EIF1: variants seen among roughly 807,000 people sequenced by gnomAD.
EIF1 encodes the protein eukaryotic translation initiation factor 1.
Under a neutral mutation model 13.7 loss-of-function variants are expected in EIF1, and 4 were observed. That is an observed-to-expected ratio of 0.29 (90% confidence interval 0.14 to 0.67). EIF1 has a LOEUF of 0.67. Ranked by LOEUF, EIF1 falls within the 30% of genes least tolerant of loss-of-function variation. EIF1 has a pLI of 0.77. For missense variants in EIF1, 64 were observed against 138.0 expected (o/e 0.46, Z 2.69); for synonymous variants, 67 against 50.7 (o/e 1.32, Z -1.37).
chr17:41,690,342 G>C, intron 3 of EIF1, 153 bp downstream of exon 3: 1 of 614,148 alleles, frequency 1.6e-6, no homozygotes, highest in East Asian at 2.8e-5. Flanking sequence ...CTGTTTTATA[G>C]GAAAAAGCAG....
chr17:41,689,154 C>T, intron 1 of EIF1, 85 bp downstream of exon 1: 1 of 1,477,346 alleles, frequency 6.8e-7, no homozygotes, highest in Non-Finnish European at 9.4e-7. Context: ...TTGCCAAGCG[C>T]TCCGGGCCTT....
At position 41,689,059 on chromosome 17, in the gene EIF1, C is replaced by G; in HGVS notation, c.21C>G (p.Leu7=). MSAIQN[L]HSFDPFADAS... ...ATCGTATGTCCGCTATCCAGAACCT[C>G]CACTCTTTCGGTAAGCTATGGGAAA... The change falls in exon 1 of 4, where the codon CTC becomes CTG. Residue 7 remains leucine (L), a synonymous_variant. Coordinates refer to ENST00000469257, the MANE Select transcript of EIF1 (RefSeq NM_005801.4). 1 of 1,613,708 alleles carries G rather than the reference C, an allele frequency of 6.2e-7. No individual in the cohort carries two copies. Among genetic ancestry groups the G allele is most frequent in the South Asian group, 1.1e-5 (1 of 91,078 alleles).
intron 3 of EIF1, 55 bp from the exon 4 acceptor site, chr17:41,690,727 G>A (rs1910351011): frequency 1.3e-6 from 2 of 1,595,914 alleles, no homozygotes; most frequent in Non-Finnish European, 1.7e-6. Flanking sequence ...ATTAGAAATG[G>A]AGGCTTTAAC....
At chr17:41,689,965 G>A (rs1186658573) in intron 2 of EIF1, 24 bp downstream of exon 2, 11 of 1,609,942 alleles carry the variant, frequency 6.8e-6, no homozygotes, top group Non-Finnish European at 8.5e-6. Flanking sequence ...GAGATTTTGG[G>A]AAAGTCATAA....
Position 41,691,042 on chromosome 17 carries a change from C to A in EIF1, c.*216C>A, listed in dbSNP as rs3209306. Reference sequence around the variant, plus strand: ...GTCCCTCATTTAAACAGAGGTCAAGCAATAGGCGCCTGGCAGTGTCAAGCC... The same window carrying A: ...GTCCCTCATTTAAACAGAGGTCAAGAAATAGGCGCCTGGCAGTGTCAAGCC... On this transcript the variant is annotated 3_prime_UTR_variant, in exon 4 of 4. Coordinates refer to ENST00000469257, the MANE Select transcript of EIF1 (RefSeq NM_005801.4). 272 of 578,360 alleles carry A rather than the reference C, an allele frequency of 4.7e-4. No homozygotes were observed. In the East Asian group the frequency reaches 7.4e-3, roughly 16 times the overall value. The allele number at this position is 578,360 out of a possible 1,614,324, so 35.8% of individuals were successfully genotyped here.
chr17:41,689,728 G>A, intron 1 of EIF1, 50 bp from the exon 2 acceptor site: 1 of 1,524,874 alleles, frequency 6.6e-7, no homozygotes, highest in Middle Eastern at 2.3e-4. Flanking sequence ...GGGGATGGCA[G>A]TGGCATCCTA....
rs772713977 is a variant in EIF1 at position 41,690,068 on chromosome 17, G to GT, written c.196-16dup. On this transcript the variant is annotated intron_variant, in intron 2 of 3. Transcript: ENST00000469257. ...TTCATGCTCTTGCTAGGCCTAATTC[G>GT]TTTTCCTTTGTGCTTGCAGAAGTTT... is the stretch of plus-strand genomic sequence containing the variant. 10 of 1,613,452 alleles carry GT rather than the reference G, an allele frequency of 6.2e-6. No homozygotes were observed. The Admixed American group carries it at 1.7e-4, about 27-fold the overall frequency.
Position 41,692,352 on chromosome 17 carries a change from G to A in EIF1, c.*1526G>A, listed in dbSNP as rs974880857. ...GAAGGTTTAATGACAAGTATTTGAA[G>A]AGCTGAAGTTAAGTGTTGGGAGGCC... On this transcript the variant is annotated 3_prime_UTR_variant, in exon 4 of 4. Coordinates refer to ENST00000469257, the MANE Select transcript of EIF1 (RefSeq NM_005801.4). The A allele has an allele frequency of 2.0e-5, 3 of 152,184 alleles. No individual in the cohort carries two copies. The highest frequency in any genetic ancestry group is 2.9e-5 in the Non-Finnish European group (2 of 68,030). 9.4% of individuals were successfully genotyped at this position (152,184 alleles called of 1,614,324 possible).
In EIF1 at chr17:41,691,580, C is replaced by T. The variant is rs1224216427; in HGVS notation, c.*754C>T. 2.0e-5 allele frequency: 3 copies of T among 152,614 alleles called. No homozygotes were observed. Among genetic ancestry groups the T allele is most frequent in the Admixed American group, 6.5e-5 (1 of 15,282 alleles). 9.5% of individuals were successfully genotyped at this position (152,614 alleles called of 1,614,324 possible). A position where few individuals can be genotyped will look rare whatever the true frequency, so the allele number is the denominator to read the frequency against. On this transcript the variant is annotated 3_prime_UTR_variant, in exon 4 of 4. Coordinates refer to ENST00000469257, the MANE Select transcript of EIF1 (RefSeq NM_005801.4). ...AACTGGTTTTTGGTTTTTTTTTCCC[C>T]TTCAGTTTTAATGTTATGTGTAATG...
rs1910399084 is a variant in EIF1 at position 41,692,167 on chromosome 17, G to A, written c.*1341G>A. ...TAATCAGTGTCCTGGAGAATGGGTT[G>A]CTTGGAAATCTTGGCGCCCCCTCAG... On this transcript the variant is annotated 3_prime_UTR_variant, in exon 4 of 4. Transcript: ENST00000469257. 1.3e-5 allele frequency: 2 copies of A among 152,218 alleles called. No homozygotes were observed. Among genetic ancestry groups the A allele is most frequent in the African/African-American group, 4.8e-5 (2 of 41,442 alleles). 9.4% of individuals were successfully genotyped at this position (152,218 alleles called of 1,614,324 possible). A position where few individuals can be genotyped will look rare whatever the true frequency, so the allele number is the denominator to read the frequency against.
chr17:41,690,614 A>G (rs1207791546), intron 3 of EIF1, 168 bp from the exon 4 acceptor site: 1 of 638,904 alleles, frequency 1.6e-6, no homozygotes, highest in Non-Finnish European at 2.8e-6. Context: ...GAAGGCACTG[A>G]GTGTTCAAAA....
chr17:41,689,506 T>A (rs1164682370), intron 1 of EIF1: 5 of 463,340 alleles, frequency 1.1e-5, no homozygotes, highest in Non-Finnish European at 1.9e-5. Flanking sequence ...TTGCATCAGC[T>A]GGGTGGGGCA....
At position 41,689,027 on chromosome 17, in the gene EIF1, G is replaced by T. The variant is rs1394383213; in HGVS notation, c.-12G>T. ...GCAGGCCGTTTCCACCGAGGAAAAG[G>T]AATCGTATCGTATGTCCGCTATCCA... On this transcript the variant is annotated 5_prime_UTR_variant, in exon 1 of 4. Transcript: ENST00000469257. 1.2e-6 allele frequency: 2 copies of T among 1,613,348 alleles called. No individual in the cohort carries two copies. The highest frequency in any genetic ancestry group is 1.7e-6 in the Non-Finnish European group (2 of 1,179,890).
rs753608806 is a variant in EIF1, at chr17:41,690,172, T to C, written c.280T>C (p.Cys94Arg). 2.2e-5 allele frequency: 35 copies of C among 1,613,964 alleles called. No individual in the cohort carries two copies. The highest frequency in any genetic ancestry group is 1.6e-4 in the Middle Eastern group (1 of 6,074). The change falls in exon 3 of 4, where the codon TGC (cysteine) becomes CGC (arginine). Residue 94 changes from cysteine to arginine, a missense_variant. Cys to Arg is a radical substitution (Grantham distance 180). Around this residue, in one of 2 missense-constraint regions of EIF1, gnomAD observed 35 missense variants for 103.4 expected, o/e 0.34. Transcript: ENST00000469257. ...ACAGGGTGACCAACGCAAGAACATATGCCAGTTCCTCGTAGAGGTGAGTTC... is the reference window on the plus strand; with the variant it reads ...ACAGGGTGACCAACGCAAGAACATACGCCAGTTCCTCGTAGAGGTGAGTTC... ...QLQGDQRKNI[C>R]QFLVEIGLAK...
In EIF1 at chr17:41,688,956, G is replaced by GT. The variant is rs1267708529; in HGVS notation, c.-81dup. The stretch of plus-strand genomic sequence containing the variant: ...GAGCCCCCTCGCTTCCCGACGTTCC[G>GT]TTCCCCCCTGCCCGCCTTCTCCCGC... On this transcript the variant is annotated 5_prime_UTR_variant, in exon 1 of 4. Coordinates refer to ENST00000469257, the MANE Select transcript of EIF1 (RefSeq NM_005801.4). The GT allele has an allele frequency of 1.6e-5, 24 of 1,467,792 alleles. No individual in the cohort carries two copies. The East Asian group carries it at 1.8e-4, about 11-fold the overall frequency. The allele number at this position is 1,467,792 out of a possible 1,614,324, so 90.9% of individuals were successfully genotyped here.
chr17:41,689,573 G>A, intron 1 of EIF1: 1 of 518,642 alleles, frequency 1.9e-6, no homozygotes, highest in South Asian at 2.9e-5. Flanking sequence ...GAGGGCGGGA[G>A]GCCCGGGCGT....
chr17:41,690,368 C>T (rs2143087330), intron 3 of EIF1, 179 bp downstream of exon 3: 1 of 584,676 alleles, frequency 1.7e-6, no homozygotes, highest in African/African-American at 1.9e-5. Context: ...ACTTGTCTAC[C>T]TTTGGTTTAC....
At position 41,690,266 on chromosome 17, in the gene EIF1, C is replaced by T. The variant is rs776525622; in HGVS notation, c.297+77C>T. Reference sequence around the variant, plus strand: ...CCTGTCTGTTAGCTTCTGCTGGGGACATAAAAGTTGGCTTTGTAAGGCTGA... The same window carrying T: ...CCTGTCTGTTAGCTTCTGCTGGGGATATAAAAGTTGGCTTTGTAAGGCTGA... On this transcript the variant is annotated intron_variant, in intron 3 of 3. Coordinates refer to ENST00000469257, the MANE Select transcript of EIF1 (RefSeq NM_005801.4). The T allele has an allele frequency of 2.3e-4, 305 of 1,331,660 alleles. 2 individuals are homozygous for T. The highest frequency in any genetic ancestry group is 1.5e-3 in the Middle Eastern group (8 of 5,462). The allele number at this position is 1,331,660 out of a possible 1,614,324, so 82.5% of individuals were successfully genotyped here.
Position 41,692,380 on chromosome 17 carries a change from C to T in EIF1, c.*1554C>T, listed in dbSNP as rs1910409338. ...CTGAAGTTAAGTGTTGGGAGGCCAT[C>T]CCTTATGAAGGACAATGAATGGCAA... On this transcript the variant is annotated 3_prime_UTR_variant, in exon 4 of 4. Transcript: ENST00000469257. 2.0e-5 allele frequency: 3 copies of T among 152,168 alleles called. No homozygotes were observed. The highest frequency in any genetic ancestry group is 4.1e-4 in the South Asian group (2 of 4,828). The allele number at this position is 152,168 out of a possible 1,614,324, so 9.4% of individuals were successfully genotyped here. A position where few individuals can be genotyped will look rare whatever the true frequency, so the allele number is the denominator to read the frequency against.
Sources: gnomAD v4.1 joint callset for allele counts on GRCh38, gnomAD v4.1.1 for gene constraint, gnomAD v4.1.1 regional missense constraint, MANE v1.5 for transcripts, NCBI Gene and HGNC (gene_info 2026-07-23, HGNC 2026-07-21) for gene names.